GGT5: variants seen among roughly 807,000 people sequenced by gnomAD.
GGT5 encodes glutathione hydrolase 5 proenzyme.
A neutral mutation model predicts 58.1 loss-of-function variants in GGT5; 50 were observed. That is an observed-to-expected ratio of 0.86 (90% CI 0.69 to 1.09). The LOEUF is 1.09. Ranked by LOEUF, GGT5 falls within the 50% of genes least tolerant of loss-of-function variation. The pLI is 0.00. For missense variants in GGT5, 800 were observed against 789.4 expected, an observed-to-expected ratio of 1.01 and a Z score of -0.16; for synonymous variants, 370 against 346.1, an observed-to-expected ratio of 1.07 and a Z score of -0.77.
rs111490105 is a variant in GGT5, at chr22:24,244,582, G to A, written c.144C>T (p.Ala48=). 313 of 1,612,170 alleles carry A rather than the reference G, an allele frequency of 1.9e-4. No homozygotes were observed. Among genetic ancestry groups the A allele is most frequent in the Middle Eastern group, 6.1e-4 (3 of 4,940 alleles). Residue 48 remains alanine (A), a synonymous_variant, in exon 1 of 12, where the codon GCC becomes GCT. Transcript: ENST00000327365. ...PQAFAHAAVA[A]DSKVCSDIGR... ...CAATATCCGAGCAGACCTTGGAGTC[G>A]GCGGCAACAGCAGCGTGGGCAAAGG...
intron 11 of GGT5, among the ~76,000 whole-genome samples, chr22:24,222,619 C>T (rs2047624162): frequency 6.6e-6 from 1 of 152,202 alleles, no homozygotes; most frequent in Admixed American, 6.5e-5. Flanking sequence ...GAATAGCTGA[C>T]ATTCCAACTC....
chr22:24,229,279 C>T (rs1167203291), intron 6 of GGT5, among the ~76,000 whole-genome samples: 1 of 151,380 alleles, frequency 6.6e-6, no homozygotes, highest in East Asian at 1.9e-4. Flanking sequence ...TGGTGGCAGG[C>T]GCCTGTAATC....
chr22:24,225,526 G>A lies in GGT5; in HGVS notation c.1336+20C>T, dbSNP rs2047729308. ...GGTGGGGGGCCCTTGTGGACCCCGGGTGGGAAGCTTTGTTCTCACCAGGTG... is the reference window on the plus strand; with the variant it reads ...GGTGGGGGGCCCTTGTGGACCCCGGATGGGAAGCTTTGTTCTCACCAGGTG... On this transcript the variant is annotated intron_variant, in intron 9 of 11. Transcript: ENST00000327365. 5 of 1,595,654 alleles carry A rather than the reference G, an allele frequency of 3.1e-6. No individual in the cohort carries two copies. The highest frequency in any genetic ancestry group is 1.7e-5 in the Admixed American group (1 of 59,944).
intron 1 of GGT5, among the ~76,000 whole-genome samples, chr22:24,237,615 G>A (rs1049825732): frequency 6.6e-6 from 1 of 151,858 alleles, no homozygotes; most frequent in Non-Finnish European, 1.5e-5. Context: ...CACTGTGTTG[G>A]CCAGGCTGGT....
Position 24,244,877 on chromosome 22 carries a change from C to G in GGT5, c.-152G>C. 1 of 1,368,514 alleles carries G rather than the reference C, an allele frequency of 7.3e-7. No homozygotes were observed. Among genetic ancestry groups the G allele is most frequent in the Non-Finnish European group, 9.6e-7 (1 of 1,038,462 alleles). 84.8% of individuals were successfully genotyped at this position (1,368,514 alleles called of 1,614,324 possible). A position where few individuals can be genotyped will look rare whatever the true frequency, so the allele number is the denominator to read the frequency against. ...GCTGAAGACAGACACGAAGATGGATCGACAGATAGGCCAGATAGCTAGACA... is the reference window on the plus strand; with the variant it reads ...GCTGAAGACAGACACGAAGATGGATGGACAGATAGGCCAGATAGCTAGACA... On this transcript the variant is annotated 5_prime_UTR_variant, in exon 1 of 12. Transcript: ENST00000327365.
At chr22:24,238,969 A>ATG (rs1170309382) in intron 1 of GGT5, among the ~76,000 whole-genome samples, 11 of 79,832 alleles carry the variant, frequency 1.4e-4, no homozygotes, top group African/African-American at 4.4e-4. Context: ...ATATATATAT[A>ATG]GCCCATGACA....
rs5760269 is a variant in GGT5, at chr22:24,231,928, G to A, written c.754+123C>T. ...GGCAGAGCTAGGTGCATGGCCTCTC[G>A]GGGTCCCGGGCACTGCCTGCACTCC... On this transcript the variant is annotated intron_variant, in intron 5 of 11. Transcript: ENST00000327365. 3.0e-5 allele frequency: 24 copies of A among 796,804 alleles called. No individual in the cohort carries two copies. In the African/African-American group the frequency reaches 3.3e-4, roughly 11 times the overall value. 49.4% of individuals were successfully genotyped at this position (796,804 alleles called of 1,614,324 possible).
chr22:24,232,662 G>A (rs190365252), intron 4 of GGT5, among the ~76,000 whole-genome samples, 161 bp downstream of exon 4: 3 of 152,158 alleles, frequency 2.0e-5, no homozygotes. Flanking sequence ...CTCTGCCACG[G>A]GGAGCTGGAA....
chr22:24,241,157 C>CAAAAAAA (rs56248104), intron 1 of GGT5: 2 of 73,410 alleles, frequency 2.7e-5, no homozygotes, highest in South Asian at 4.7e-4. Flanking sequence ...AACTCCATCT[C>CAAAAAAA]AAAAAAAAAA....
At chr22:24,228,072 C>CAAAAAA (rs1183981939) in intron 6 of GGT5, among the ~76,000 whole-genome samples, 5 of 51,866 alleles carry the variant, frequency 9.6e-5, no homozygotes, top group African/African-American at 3.7e-4. Context: ...AAAAACAAAA[C>CAAAAAA]AAAAAAAAAA....
intron 6 of GGT5, among the ~76,000 whole-genome samples, chr22:24,228,932 A>G (rs752130303): frequency 4.0e-5 from 6 of 151,084 alleles, no homozygotes; most frequent in South Asian, 4.2e-4. Context: ...GTCTCTAATA[A>G]TACAAAAATT....
rs1405179172 is a variant in GGT5, at chr22:24,232,213, G to A, written c.597-5C>T. On this transcript the variant is annotated splice_polypyrimidine_tract_variant and splice_region_variant and intron_variant, in intron 4 of 11. Coordinates refer to ENST00000327365, the MANE Select transcript of GGT5 (RefSeq NM_004121.5). ...GTCCCGTTGAAGAAGAGCTGGCTGG[G>A]GGGTGGGGGGAGCCTCAGGGTGGGG... 1.4e-6 allele frequency: 2 copies of A among 1,473,724 alleles called. No individual in the cohort carries two copies. The highest frequency in any genetic ancestry group is 2.5e-5 in the East Asian group (1 of 39,518). The allele number at this position is 1,473,724 out of a possible 1,614,324, so 91.3% of individuals were successfully genotyped here.
In GGT5 at chr22:24,237,407, ATT is replaced by A; in HGVS notation, c.174-3405_174-3404del. 5.4e-5 allele frequency among the ~76,000 whole-genome samples: 3 copies of A among 55,564 alleles called. No individual in the cohort carries two copies. In the East Asian group the frequency reaches 2.0e-3, roughly 37 times the overall value. The allele number at this position is 55,564 out of a possible 152,430, so 36.5% of individuals were successfully genotyped here. ...ATCCCTAGGCCTCAAATTATTTTAT[ATT>A]TATTTATTTATTTATTTGAGACAGC... On this transcript the variant is annotated intron_variant, in intron 1 of 11. Coordinates refer to ENST00000327365, the MANE Select transcript of GGT5 (RefSeq NM_004121.5).
chr22:24,226,168 G>C lies in GGT5; in HGVS notation c.1137C>G (p.Ala379=), dbSNP rs137936941. 2.5e-6 allele frequency: 4 copies of C among 1,611,118 alleles called. No individual in the cohort carries two copies. The highest frequency in any genetic ancestry group is 3.4e-6 in the Non-Finnish European group (4 of 1,179,854). Residue 379 remains alanine (A), a synonymous_variant, in exon 8 of 12, where the codon GCC becomes GCG. Transcript: ENST00000327365. ...GDHQLSHYSL[A]EAWGHGTGTS... The stretch of plus-strand genomic sequence containing the variant: ...TGCCTGTCCCGTGGCCCCAGGCCTC[G>C]GCCAAGCTGTAGTGGCTGAGCTGGT...
rs572909489 is a variant in GGT5 at position 24,233,362 on chromosome 22, G to A, written c.400+136C>T. 6.8e-6 allele frequency: 4 copies of A among 584,864 alleles called. No individual in the cohort carries two copies. In the South Asian group the frequency reaches 8.7e-5, roughly 13 times the overall value. The allele number at this position is 584,864 out of a possible 1,614,324, so 36.2% of individuals were successfully genotyped here. ...TCAATCCCTGCAGGTTGGGGCTGGG[G>A]GTTCCCCACAGGCTCCGTGTCCCCC... On this transcript the variant is annotated intron_variant, in intron 3 of 11. Transcript: ENST00000327365.
At chr22:24,235,200 A>G (rs1197868303) in intron 1 of GGT5, among the ~76,000 whole-genome samples, 1 of 151,972 alleles carries the variant, frequency 6.6e-6, no homozygotes, top group Non-Finnish European at 1.5e-5. Flanking sequence ...CTGGGATTAC[A>G]GGCATGCACC....
At position 24,225,049 on chromosome 22, in the gene GGT5, T is replaced by C; in HGVS notation, c.1561A>G (p.Ile521Val). The C allele has an allele frequency of 1.9e-6, 3 of 1,601,902 alleles. No individual in the cohort carries two copies. The highest frequency in any genetic ancestry group is 1.1e-5 in the South Asian group (1 of 89,332). ...CAGCCCTTGCTGTTGACATGCAGGA[T>C]GGGGGCTGCAATGGCCGCTCTCAGG... ...FDLRAAIAAP[I>V]LHVNSKGCVE... Residue 521 changes from isoleucine to valine, a missense_variant, in exon 11 of 12, where the codon ATC becomes GTC. Ile to Val is a conservative substitution (Grantham distance 29). Transcript: ENST00000327365.
chr22:24,233,619 G>T, intron 2 of GGT5, 26 bp from the exon 3 acceptor site: 5 of 1,399,072 alleles, frequency 3.6e-6, no homozygotes, highest in South Asian at 2.5e-5. Context: ...GCAGGTGAGT[G>T]GTCATGGACC....
In GGT5 at chr22:24,220,024, G is replaced by A. The variant is rs1234475964; in HGVS notation, c.1707C>T (p.Ala569=). 1 of 1,614,088 alleles carries A rather than the reference G, an allele frequency of 6.2e-7. No homozygotes were observed. Among genetic ancestry groups the A allele is most frequent in the Admixed American group, 1.7e-5 (1 of 60,010 alleles). Residue 569 remains alanine, a synonymous_variant, in exon 12 of 12, where the codon GCC becomes GCT. Transcript: ENST00000327365. ...NVVQAVSQEG[A]CVYAVSDLRK... The stretch of plus-strand genomic sequence containing the variant: ...TCAGGTCCGAGACGGCGTACACACA[G>A]GCCCCCTCCTGGGACACAGCCTGGA...
Sources: allele counts gnomAD v4.1 joint callset (sites outside exome capture counted in the v4.1 genomes callset), GRCh38; gene constraint gnomAD v4.1.1; transcripts MANE v1.5; gene names NCBI Gene and HGNC (gene_info 2026-07-23, HGNC 2026-07-21).